FEZ2: variants seen among roughly 807,000 people sequenced by gnomAD.
FEZ2 encodes fasciculation and elongation protein zeta-2.
FEZ2 carries 51 observed loss-of-function variants against 40.4 expected under a neutral mutation model. The observed-to-expected ratio is 1.26, with a 90% confidence interval of 1.01 to 1.59. The LOEUF (loss-of-function observed/expected upper bound fraction) is 1.59. FEZ2 is among the 40% of genes most tolerant of loss of function. The pLI, the probability that FEZ2 is intolerant of heterozygous loss-of-function variation, is 0.00. For synonymous variants in FEZ2, 242 were observed against 172.0 expected (o/e 1.41, Z -3.18); for missense variants, 640 against 438.3 (o/e 1.46, Z -4.11).
intron 1 of FEZ2, among the ~76,000 whole-genome samples, chr2:36,596,093 G>A (rs3770785): frequency 0.39 from 60,010 of 152,016 alleles, 12,242 homozygotes; most frequent in East Asian, 0.66. Flanking sequence ...TTTGGGAACA[G>A]GCTTCCAAAA....
chr2:36,570,393 G>A (rs1430659947), intron 5 of FEZ2, among the ~76,000 whole-genome samples: 1 of 151,908 alleles, frequency 6.6e-6, no homozygotes, highest in Non-Finnish European at 1.5e-5. Context: ...TTTTATCTTT[G>A]AAGATCTTTT....
At chr2:36,577,735 G>C (rs1668616040) in intron 5 of FEZ2, among the ~76,000 whole-genome samples, 1 of 152,150 alleles carries the variant, frequency 6.6e-6, no homozygotes, top group African/African-American at 2.4e-5. Flanking sequence ...TGCTTAATGA[G>C]ATCTATTTCT....
intron 2 of FEZ2, among the ~76,000 whole-genome samples, chr2:36,588,648 T>C (rs528765356): frequency 8.5e-5 from 13 of 152,148 alleles, no homozygotes; most frequent in African/African-American, 1.2e-4. Flanking sequence ...TAATACCTAA[T>C]ACAAGGTAAA....
In FEZ2 at chr2:36,553,197, C is replaced by T; in HGVS notation, c.1046-18G>A. 6.5e-7 allele frequency: 1 copy of T among 1,531,196 alleles called. No individual in the cohort carries two copies. The highest frequency in any genetic ancestry group is 8.9e-7 in the Non-Finnish European group (1 of 1,127,208). 94.9% of individuals were successfully genotyped at this position (1,531,196 alleles called of 1,614,324 possible). ...ACACAGAACTAGAAGAAAAAGAGAA[C>T]TTTTAGCTACAAATGTATATTTTGT... On this transcript the variant is annotated intron_variant, in intron 7 of 7. Transcript: ENST00000405912.
intron 2 of FEZ2, among the ~76,000 whole-genome samples, chr2:36,585,272 T>C (rs1240778177): frequency 4.6e-5 from 7 of 152,172 alleles, no homozygotes; most frequent in African/African-American, 1.7e-4. Flanking sequence ...GATAAAGACA[T>C]TTTCAGACAT....
chr2:36,573,197 A>G (rs1336461496), intron 5 of FEZ2, among the ~76,000 whole-genome samples: 1 of 152,240 alleles, frequency 6.6e-6, no homozygotes, highest in Non-Finnish European at 1.5e-5. Flanking sequence ...TAGCATAAAC[A>G]ACCTTACATG....
At chr2:36,595,176 A>C (rs1424772844) in intron 1 of FEZ2, among the ~76,000 whole-genome samples, 1 of 152,170 alleles carries the variant, frequency 6.6e-6, no homozygotes, top group African/African-American at 2.4e-5. Flanking sequence ...AAGTTAAATG[A>C]AGTGCCAAGG....
Position 36,553,088 on chromosome 2 carries a change from G to C in FEZ2, c.*75C>G. 1 of 1,237,862 alleles carries C rather than the reference G, an allele frequency of 8.1e-7. No individual in the cohort carries two copies. The highest frequency in any genetic ancestry group is 1.2e-6 in the Non-Finnish European group (1 of 864,804). The allele number at this position is 1,237,862 out of a possible 1,614,324, so 76.7% of individuals were successfully genotyped here. A position where few individuals can be genotyped will look rare whatever the true frequency, so the allele number is the denominator to read the frequency against. On this transcript the variant is annotated 3_prime_UTR_variant, in exon 8 of 8. Coordinates refer to ENST00000405912, the MANE Select transcript of FEZ2 (RefSeq NM_005102.3). ...GTGCTGAGTTTCCAATAGCAAGAAG[G>C]GTAATGGTAGCCAGCTCTCAGAATA... is the stretch of plus-strand genomic sequence containing the variant.
At chr2:36,561,973 C>A (rs1668105080) in intron 5 of FEZ2, among the ~76,000 whole-genome samples, 2 of 152,174 alleles carry the variant, frequency 1.3e-5, no homozygotes, top group African/African-American at 4.8e-5. Flanking sequence ...TCCCTGAAAT[C>A]CTCTCAGGAG....
chr2:36,559,466 A>G (rs550896741), intron 5 of FEZ2, among the ~76,000 whole-genome samples: 15 of 152,324 alleles, frequency 9.8e-5, no homozygotes, highest in South Asian at 4.1e-4. Flanking sequence ...TATCCTGCCC[A>G]TAACTGAAAA....
At chr2:36,584,831 G>GT (rs1668856596) in intron 2 of FEZ2, among the ~76,000 whole-genome samples, 1 of 152,168 alleles carries the variant, frequency 6.6e-6, no homozygotes, top group Admixed American at 6.5e-5. Flanking sequence ...AGCCTACAGA[G>GT]TAAGAAACCT....
chr2:36,598,123 C>T lies in FEZ2; in HGVS notation c.20G>A (p.Trp7Ter). MAADGDWQDFYEFQEPA... is the reference protein window; with the variant it reads MAADGD The stretch of plus-strand genomic sequence containing the variant: ...CTCCTGGAACTCATAGAAATCCTGC[C>T]AGTCCCCGTCCGCCGCCATCGCCGC... The change falls in exon 1 of 8, where the codon TGG (tryptophan) becomes TAG (stop). Residue 7 changes from tryptophan to a stop codon, truncating the protein, a stop_gained. Transcript: ENST00000405912. LOFTEE classifies it high-confidence loss of function. The T allele has an allele frequency of 6.7e-7, 1 of 1,482,480 alleles. No homozygotes were observed. The highest frequency in any genetic ancestry group is 8.9e-7 in the Non-Finnish European group (1 of 1,124,064). 91.8% of individuals were successfully genotyped at this position (1,482,480 alleles called of 1,614,324 possible).
rs141453382 is a variant in FEZ2, at chr2:36,578,603, G to A, written c.897C>T (p.Pro299=). 6.9e-5 allele frequency: 112 copies of A among 1,611,932 alleles called. No homozygotes were observed. The East Asian group carries it at 8.2e-4, about 12-fold the overall frequency. ...CCTGCAAAACATCACTTACTGTGCCGGGCATATGACTTCTCTCATTCTTCC... is the reference window on the plus strand; with the variant it reads ...CCTGCAAAACATCACTTACTGTGCCAGGCATATGACTTCTCTCATTCTTCC... ...QNGKNERSHM[P]GTYLTTVIPY... is the part of the protein sequence containing the mutation. The change falls in exon 5 of 8, where the codon CCC becomes CCT. Residue 299 remains proline (P), a synonymous_variant. Transcript: ENST00000405912.
Position 36,558,506 on chromosome 2 carries a change from G to A in FEZ2, c.911C>T (p.Thr304Ile). Residue 304 changes from threonine (T) to isoleucine (I), a missense_variant, in exon 6 of 8, where the codon ACT (threonine) becomes ATT (isoleucine). Physicochemically the swap from Thr to Ile is moderately conservative, Grantham distance 89. Transcript: ENST00000405912. ...TTTTTTCTCATAAGGAATGACTGTA[G>A]TCAAATACTGCCAAGTTTAAAAAAA... ...ERSHMPGTYL[T>I]TVIPYEKKNG... 6.7e-7 allele frequency: 1 copy of A among 1,496,332 alleles called. No homozygotes were observed. The highest frequency in any genetic ancestry group is 1.3e-5 in the South Asian group (1 of 75,004). The allele number at this position is 1,496,332 out of a possible 1,614,324, so 92.7% of individuals were successfully genotyped here.
At chr2:36,595,201 T>C (rs147884089) in intron 1 of FEZ2, among the ~76,000 whole-genome samples, 1 of 152,118 alleles carries the variant, frequency 6.6e-6, no homozygotes, top group Non-Finnish European at 1.5e-5. Context: ...GGGAGGGCTT[T>C]GGGGTGATTC....
In FEZ2 at chr2:36,597,916, A is replaced by G. The variant is rs1018345063; in HGVS notation, c.227T>C (p.Val76Ala). The change falls in exon 1 of 8, where the codon GTG becomes GCG. Residue 76 changes from valine to alanine, a missense_variant. Physicochemically the swap from Val to Ala is moderately conservative, Grantham distance 64 (BLOSUM62 0). Transcript: ENST00000405912. ...DPGAEPPRTA[V>A]RPITERSLLQ... is the part of the protein sequence containing the mutation. ...GAGGCTGCGCTCCGTGATGGGCCGC[A>G]CGGCCGTCCTCGGGGGCTCGGCGCC... 2 of 1,420,504 alleles carry G rather than the reference A, an allele frequency of 1.4e-6. No individual in the cohort carries two copies. Among genetic ancestry groups the G allele is most frequent in the Non-Finnish European group, 1.8e-6 (2 of 1,095,002 alleles). 88.0% of individuals were successfully genotyped at this position (1,420,504 alleles called of 1,614,324 possible).
Position 36,597,946 on chromosome 2 carries a change from T to A in FEZ2, c.197A>T (p.Asp66Val). ...EKLSLCFRPS[D>V]PGAEPPRTAV... Reference sequence around the variant, plus strand: ...CGTCCTCGGGGGCTCGGCGCCCGGATCCGAGGGGCGGAAGCACAGGCTCAG... The same window carrying A: ...CGTCCTCGGGGGCTCGGCGCCCGGAACCGAGGGGCGGAAGCACAGGCTCAG... Residue 66 changes from aspartate (D) to valine (V), a missense_variant, in exon 1 of 8, where the codon GAT becomes GTT. Asp to Val is a radical substitution (Grantham distance 152). Coordinates refer to ENST00000405912, the MANE Select transcript of FEZ2 (RefSeq NM_005102.3). The A allele has an allele frequency of 2.1e-6, 3 of 1,456,880 alleles. No individual in the cohort carries two copies. Among genetic ancestry groups the A allele is most frequent in the Non-Finnish European group, 2.7e-6 (3 of 1,111,524 alleles). 90.2% of individuals were successfully genotyped at this position (1,456,880 alleles called of 1,614,324 possible).
chr2:36,596,411 C>G (rs1669223639), intron 1 of FEZ2, among the ~76,000 whole-genome samples: 1 of 152,220 alleles, frequency 6.6e-6, no homozygotes, highest in South Asian at 2.1e-4. Flanking sequence ...CTTCCCTAAC[C>G]TCTAAGAGTC....
At chr2:36,565,913 T>C (rs931920130) in intron 5 of FEZ2, among the ~76,000 whole-genome samples, 5 of 152,098 alleles carry the variant, frequency 3.3e-5, no homozygotes, top group Admixed American at 6.5e-5. Flanking sequence ...CAACAACAAA[T>C]GTTTTCAGAC....
Sources: allele counts gnomAD v4.1 joint callset (sites outside exome capture counted in the v4.1 genomes callset), GRCh38; gene constraint gnomAD v4.1.1; transcripts MANE v1.5; gene names NCBI Gene and HGNC (gene_info 2026-07-23, HGNC 2026-07-21).